GRIK2: variants seen among roughly 807,000 people sequenced by gnomAD.
The protein encoded by GRIK2 is glutamate receptor ionotropic, kainate 2.
Under a neutral mutation model 100.3 loss-of-function variants are expected in GRIK2, and 32 were observed. The observed-to-expected ratio is 0.32, with a 90% CI of 0.24 to 0.43. The LOEUF (loss-of-function observed/expected upper bound fraction) is 0.43. Ranked by LOEUF, GRIK2 falls within the 20% of genes least tolerant of loss-of-function variation. The probability of loss-of-function intolerance (pLI) is 1.00; values close to 1 mark genes in which losing one functional copy is unlikely to be tolerated. For missense variants in GRIK2, 843 were observed against 1,114.9 expected, an observed-to-expected ratio of 0.76 and a Z score of 3.47; for synonymous variants, 417 against 389.4, an observed-to-expected ratio of 1.07 and a Z score of -0.83.
chr6:102,054,680 G>T (rs1027802112), intron 15 of GRIK2, among the ~76,000 whole-genome samples: 3 of 152,120 alleles, frequency 2.0e-5, no homozygotes, highest in East Asian at 3.9e-4. Context: ...AAAATAAATT[G>T]ATAAAGGAAC....
intron 10 of GRIK2, among the ~76,000 whole-genome samples, chr6:101,823,829 A>G (rs1782120887): frequency 6.7e-6 from 1 of 148,482 alleles, no homozygotes; most frequent in Non-Finnish European, 1.5e-5. Context: ...TTTTCGGGGG[A>G]ACAGGTGATG....
At chr6:101,686,694 A>G (rs1272719975) in intron 7 of GRIK2, among the ~76,000 whole-genome samples, 1 of 152,126 alleles carries the variant, frequency 6.6e-6, no homozygotes, top group African/African-American at 2.4e-5. Flanking sequence ...GATCTTACCT[A>G]TCAATATACG....
chr6:101,587,398 G>A (rs1015492972), intron 2 of GRIK2, among the ~76,000 whole-genome samples: 1 of 151,922 alleles, frequency 6.6e-6, no homozygotes, highest in Non-Finnish European at 1.5e-5. Flanking sequence ...CCGTCTGTCT[G>A]TCCCTCCGTC....
intron 2 of GRIK2, among the ~76,000 whole-genome samples, chr6:101,408,174 A>G (rs1775689690): frequency 6.6e-6 from 1 of 152,116 alleles, no homozygotes; most frequent in Non-Finnish European, 1.5e-5. Flanking sequence ...AAGCAGTCAA[A>G]TGATTTTGCA....
At chr6:101,794,089 C>G (rs910556836) in intron 7 of GRIK2, among the ~76,000 whole-genome samples, 1 of 152,110 alleles carries the variant, frequency 6.6e-6, no homozygotes, top group Non-Finnish European at 1.5e-5. Flanking sequence ...GTGGGAGTGA[C>G]CTGGTTTTCC....
chr6:101,816,992 C>T lies in GRIK2; in HGVS notation c.1204-1378C>T, dbSNP rs117988180. Among the ~76,000 whole-genome samples, 65 of 152,286 alleles carry T rather than the reference C, an allele frequency of 4.3e-4. 1 individual carries two copies. In the East Asian group the frequency reaches 0.01, roughly 24 times the overall value. On this transcript the variant is annotated intron_variant, in intron 9 of 16. Coordinates refer to ENST00000369134, the MANE Select transcript of GRIK2 (RefSeq NM_021956.5). ...CATACTTGCATAGAAATTCTTACTA[C>T]GGCCCTGTACATTATCATGTTTCAC...
In GRIK2 at chr6:102,060,886, CT is replaced by C. The variant is rs1456813326; in HGVS notation, c.2562+5308del. Among the ~76,000 whole-genome samples, 6 of 150,288 alleles carry C rather than the reference CT, an allele frequency of 4.0e-5. No homozygotes were observed. In the East Asian group the frequency reaches 1.2e-3, roughly 29 times the overall value. On this transcript the variant is annotated intron_variant, in intron 16 of 16. Coordinates refer to ENST00000369134, the MANE Select transcript of GRIK2 (RefSeq NM_021956.5). ...TATATTGACTAAAGTTGTGTTGATT[CT>C]TGTCAGACCTTATGTATTAATTTTT...
chr6:101,626,562 C>G lies in GRIK2; in HGVS notation c.466C>G (p.Leu156Val). ...YVSLYPDFSS[L>V]SRAILDLVQF... ...CAGTCTCTACCCAGACTTCTCTTCA[C>G]TCAGCCGTGCCATTTTAGACCTGGT... The change falls in exon 4 of 17, where the codon CTC (leucine) becomes GTC (valine). Residue 156 changes from leucine to valine, a missense_variant. By Grantham distance (32) the Leu-to-Val change is conservative. This residue lies in a region of GRIK2 where 519 missense variants were observed against 643.8 expected (regional missense o/e 0.81). Coordinates refer to ENST00000369134, the MANE Select transcript of GRIK2 (RefSeq NM_021956.5). The G allele has an allele frequency of 6.2e-7, 1 of 1,613,856 alleles. No individual in the cohort carries two copies. Among genetic ancestry groups the G allele is most frequent in the Non-Finnish European group, 8.5e-7 (1 of 1,179,770 alleles).
intron 9 of GRIK2, among the ~76,000 whole-genome samples, chr6:101,806,557 C>T (rs1781017230): frequency 6.6e-6 from 1 of 151,574 alleles, no homozygotes; most frequent in Non-Finnish European, 1.5e-5. Flanking sequence ...GAATAAAATC[C>T]AAAGCACCAG....
intron 7 of GRIK2, among the ~76,000 whole-genome samples, chr6:101,760,876 T>A (rs1777611326): frequency 6.6e-6 from 1 of 150,740 alleles, no homozygotes; most frequent in African/African-American, 2.4e-5. Context: ...AAAATTAATT[T>A]TTCATCTCTT....
intron 2 of GRIK2, among the ~76,000 whole-genome samples, chr6:101,436,363 T>G (rs1769711231): frequency 7.7e-6 from 1 of 129,144 alleles, no homozygotes; most frequent in African/African-American, 2.7e-5. Context: ...ACTGAAAAGA[T>G]AATGATTTTT....
chr6:102,040,308 T>G (rs1022430001), intron 15 of GRIK2, among the ~76,000 whole-genome samples: 1 of 151,558 alleles, frequency 6.6e-6, no homozygotes, highest in African/African-American at 2.4e-5. Flanking sequence ...TATATTTTAT[T>G]TAGTAATTGA....
intron 10 of GRIK2, among the ~76,000 whole-genome samples, chr6:101,836,937 TA>T (rs905899323): frequency 1.6e-4 from 24 of 152,202 alleles, no homozygotes; most frequent in Admixed American, 1.5e-3. Context: ...GTGCCAGGAT[TA>T]CAGGTGTGAG....
chr6:101,887,999 C>T (rs1786774464), intron 11 of GRIK2, among the ~76,000 whole-genome samples: 1 of 152,192 alleles, frequency 6.6e-6, no homozygotes. Flanking sequence ...TTCTCCCTTA[C>T]GTCTTAGAGG....
intron 2 of GRIK2, among the ~76,000 whole-genome samples, chr6:101,466,343 T>C (rs1771644210): frequency 6.6e-6 from 1 of 151,370 alleles, no homozygotes; most frequent in African/African-American, 2.4e-5. Flanking sequence ...AAAGCTAATA[T>C]GTAATTTGTG....
At chr6:101,965,407 C>T (rs1792597171) in intron 14 of GRIK2, among the ~76,000 whole-genome samples, 1 of 152,078 alleles carries the variant, frequency 6.6e-6, no homozygotes, top group Non-Finnish European at 1.5e-5. Flanking sequence ...ATCTGTCACT[C>T]TCATCATGCC....
rs1171820252 is a variant in GRIK2 at position 101,422,240 on chromosome 6, T to G, written c.115+22848T>G. Among the ~76,000 whole-genome samples, 10 of 152,118 alleles carry G rather than the reference T, an allele frequency of 6.6e-5. No homozygotes were observed. In the East Asian group the frequency reaches 1.7e-3, roughly 26 times the overall value. ...ATTGATTAAATTACATTCCTCTGCT[T>G]TAACTGAGGGGGAGTAATTCTAAAG... On this transcript the variant is annotated intron_variant, in intron 2 of 16. Coordinates refer to ENST00000369134, the MANE Select transcript of GRIK2 (RefSeq NM_021956.5).
intron 16 of GRIK2, among the ~76,000 whole-genome samples, chr6:102,066,080 G>T (rs1772003331): frequency 6.6e-6 from 1 of 151,328 alleles, no homozygotes; most frequent in African/African-American, 2.4e-5. Flanking sequence ...AGTTAATGGG[G>T]AATTCACAAG....
chr6:101,780,028 T>G (rs528786441), intron 7 of GRIK2, among the ~76,000 whole-genome samples: 1 of 152,172 alleles, frequency 6.6e-6, no homozygotes, highest in South Asian at 2.1e-4. Context: ...CTATCTCATA[T>G]GGATTTTAAT....
Sources: gnomAD v4.1 joint callset for allele counts (sites outside exome capture counted in the v4.1 genomes callset) on GRCh38, gnomAD v4.1.1 for gene constraint, gnomAD v4.1.1 regional missense constraint, MANE v1.5 for transcripts, NCBI Gene and HGNC (gene_info 2026-07-23, HGNC 2026-07-21) for gene names.